Variants in USP15 observed in about 807,000 individuals in gnomAD.
USP15 encodes ubiquitin specific peptidase 15.
USP15 carries 18 observed loss-of-function variants against 127.1 expected under a neutral mutation model. The observed-to-expected ratio is 0.14, with a 90% CI of 0.10 to 0.21. The LOEUF (loss-of-function observed/expected upper bound fraction) is 0.21, where lower values mean the gene tolerates loss of function less well. Among genes scored for constraint, USP15 ranks in the 10% least tolerant of loss-of-function variants. The pLI, the probability that USP15 is intolerant of heterozygous loss-of-function variation, is 1.00. For missense variants in USP15, 805 were observed against 1,159.9 expected (o/e 0.69, Z 4.44); for synonymous variants, 364 against 393.7 (o/e 0.92, Z 0.89).
chr12:62,338,546 T>C (rs540987955), intron 6 of USP15, among the ~76,000 whole-genome samples: 1 of 152,318 alleles, frequency 6.6e-6, no homozygotes, highest in African/African-American at 2.4e-5. Context: ...CATGAAATCA[T>C]TGCCCATGAC....
intron 1 of USP15, among the ~76,000 whole-genome samples, chr12:62,273,769 G>T (rs534771524): frequency 6.6e-6 from 1 of 151,970 alleles, no homozygotes; most frequent in African/African-American, 2.4e-5. Context: ...ATAGGCATGC[G>T]TGTGAACATT....
intron 4 of USP15, among the ~76,000 whole-genome samples, chr12:62,316,189 G>A (rs1207963398): frequency 2.0e-5 from 3 of 151,488 alleles, no homozygotes; most frequent in East Asian, 3.9e-4. Flanking sequence ...GGGAGGCTGA[G>A]GCAAAAAAAT....
At chr12:62,396,169 G>T (rs530180232) in intron 19 of USP15, 126 bp from the exon 20 acceptor site, 54 of 405,768 alleles carry the variant, frequency 1.3e-4, no homozygotes, top group Admixed American at 8.4e-4. Context: ...TATATATATA[G>T]ATAGATATAT....
At chr12:62,275,337 A>T (rs1287633951) in intron 1 of USP15, among the ~76,000 whole-genome samples, 1 of 152,082 alleles carries the variant, frequency 6.6e-6, no homozygotes, top group South Asian at 2.1e-4. Flanking sequence ...GAGCAGGGCT[A>T]TGTAATACAT....
intron 1 of USP15, among the ~76,000 whole-genome samples, chr12:62,284,292 C>G (rs1169298707): frequency 6.6e-6 from 1 of 152,148 alleles, no homozygotes; most frequent in Non-Finnish European, 1.5e-5. Context: ...AAAGTCATTG[C>G]TAGTCTAGTC....
intron 11 of USP15, among the ~76,000 whole-genome samples, chr12:62,388,306 G>A (rs1287837086): frequency 2.0e-5 from 3 of 151,866 alleles, no homozygotes; most frequent in African/African-American, 4.8e-5. Context: ...CTAATTTTTT[G>A]TATTTTTGTA....
intron 1 of USP15, among the ~76,000 whole-genome samples, chr12:62,283,573 A>G (rs953954957): frequency 2.6e-5 from 4 of 152,230 alleles, no homozygotes; most frequent in African/African-American, 7.2e-5. Context: ...GTTTTTACAT[A>G]GAAAAATCTA....
In USP15 at chr12:62,389,350, A is replaced by G. The variant is rs189890437; in HGVS notation, c.1474-81A>G. ...AATCCAAATGCCAAATGAATGTGAG[A>G]TAGCAACCATGAGGTCACTCTCATT... On this transcript the variant is annotated intron_variant, in intron 11 of 21. Transcript: ENST00000280377. 47 of 1,169,212 alleles carry G rather than the reference A, an allele frequency of 4.0e-5. No homozygotes were observed. In the African/African-American group the frequency reaches 6.8e-4, roughly 17 times the overall value. The allele number at this position is 1,169,212 out of a possible 1,614,324, so 72.4% of individuals were successfully genotyped here. A position where few individuals can be genotyped will look rare whatever the true frequency, so the allele number is the denominator to read the frequency against.
intron 1 of USP15, among the ~76,000 whole-genome samples, chr12:62,280,926 T>C (rs1229577263): frequency 6.6e-6 from 1 of 152,208 alleles, no homozygotes; most frequent in Non-Finnish European, 1.5e-5. Context: ...ACTATTTGTA[T>C]TGGTTGATAT....
chr12:62,305,811 G>T (rs2064468636), intron 3 of USP15: 1 of 152,182 alleles, frequency 6.6e-6, no homozygotes, highest in South Asian at 2.1e-4. Context: ...TTGTACTGAG[G>T]TTGGTCTGTG....
rs1305183202 is a variant in USP15 at position 62,389,869 on chromosome 12, C to G, written c.1725C>G (p.Phe575Leu). The change falls in exon 14 of 22, where the codon TTC (phenylalanine) becomes TTG (leucine). Residue 575 changes from phenylalanine to leucine, a missense_variant. By Grantham distance (22) the Phe-to-Leu change is conservative. Transcript: ENST00000280377. Reference protein sequence around the residue: ...VIIPVCLREKFRHSSYTHHTG... With the variant: ...VIIPVCLREKLRHSSYTHHTG... Reference sequence around the variant, plus strand: ...TTCCTGTTTGCCTAAGAGAAAAATTCAGACACTCGAGTTATACCCACCATA... The same window carrying G: ...TTCCTGTTTGCCTAAGAGAAAAATTGAGACACTCGAGTTATACCCACCATA... The G allele has an allele frequency of 1.2e-6, 2 of 1,613,722 alleles. No homozygotes were observed. Among genetic ancestry groups the G allele is most frequent in the African/African-American group, 1.3e-5 (1 of 74,902 alleles).
chr12:62,301,868 A>G (rs560843278), intron 2 of USP15, among the ~76,000 whole-genome samples: 1 of 152,308 alleles, frequency 6.6e-6, no homozygotes, highest in East Asian at 1.9e-4. Context: ...AGGACAAGAA[A>G]AATCTCCATT....
chr12:62,313,329 A>G (rs1451192163), intron 3 of USP15, among the ~76,000 whole-genome samples: 1 of 151,690 alleles, frequency 6.6e-6, no homozygotes, highest in Admixed American at 6.6e-5. Flanking sequence ...TAGAAAGTAT[A>G]TACCTCAATA....
chr12:62,401,308 G>C (rs1198397622), intron 21 of USP15, 33 bp downstream of exon 21: 1 of 1,529,488 alleles, frequency 6.5e-7, no homozygotes, highest in South Asian at 1.1e-5. Flanking sequence ...GAGAACTATG[G>C]GATTCACTGT....
chr12:62,347,092 G>C (rs2065841754), intron 6 of USP15, among the ~76,000 whole-genome samples: 1 of 152,062 alleles, frequency 6.6e-6, no homozygotes, highest in Non-Finnish European at 1.5e-5. Context: ...GTCAGGAACT[G>C]TGTCTTTCTT....
Position 62,391,210 on chromosome 12 carries a change from C to T in USP15, c.2014C>T (p.Pro672Ser). ...DDESSQDQEL[P>S]SENENSQSED... Reference sequence around the variant, plus strand: ...TGAATCCAGCCAGGATCAAGAACTTCCCTCAGAGAATGAAAACAGTCAGTC... The same window carrying T: ...TGAATCCAGCCAGGATCAAGAACTTTCCTCAGAGAATGAAAACAGTCAGTC... Residue 672 changes from proline (P) to serine (S), a missense_variant, in exon 16 of 22, where the codon CCC becomes TCC. Coordinates refer to ENST00000280377, the MANE Select transcript of USP15 (RefSeq NM_001252078.2). The T allele has an allele frequency of 6.2e-7, 1 of 1,613,482 alleles. No homozygotes were observed. The highest frequency in any genetic ancestry group is 8.5e-7 in the Non-Finnish European group (1 of 1,179,718).
intron 6 of USP15, among the ~76,000 whole-genome samples, chr12:62,333,035 T>A: frequency 6.6e-6 from 1 of 152,208 alleles, no homozygotes; most frequent in East Asian, 1.9e-4. Context: ...CTTTAGAAAT[T>A]TTTAGAGAGT....
intron 8 of USP15, chr12:62,374,611 T>C: frequency 1.0e-6 from 1 of 967,394 alleles, no homozygotes; most frequent in African/African-American, 1.8e-5. Context: ...ATATGTTGAC[T>C]GAAGACTTGA....
chr12:62,397,552 CTTTTTTTTTT>C (rs2067532137), intron 20 of USP15, among the ~76,000 whole-genome samples: 1 of 147,976 alleles, frequency 6.8e-6, no homozygotes, highest in Admixed American at 6.7e-5. Context: ...TTCTTTTTCT[CTTTTTTTTTT>C]AAATCAACCT....
Sources: gnomAD v4.1 joint callset for allele counts (sites outside exome capture counted in the v4.1 genomes callset) on GRCh38, gnomAD v4.1.1 for gene constraint, MANE v1.5 for transcripts, NCBI Gene and HGNC (gene_info 2026-07-23, HGNC 2026-07-21) for gene names.